The following LRRC4C variants were observed in gnomAD, a reference collection of about 807,000 sequenced individuals.
LRRC4C encodes the protein leucine rich repeat containing 4C.
Under a neutral mutation model 33.6 loss-of-function variants are expected in LRRC4C, and 5 were observed. That is an observed-to-expected ratio of 0.15 (90% CI 0.08 to 0.31). LRRC4C has a LOEUF of 0.31. LRRC4C is among the 10% of genes least tolerant of loss of function. The pLI, the probability that LRRC4C is intolerant of heterozygous loss-of-function variation, is 1.00. For missense variants in LRRC4C, 560 were observed against 796.7 expected, an observed-to-expected ratio of 0.70 and a Z score of 3.58; for synonymous variants, 329 against 302.0, an observed-to-expected ratio of 1.09 and a Z score of -0.93.
At chr11:40,587,631 T>C (rs1288143890) in intron 3 of LRRC4C, among the ~76,000 whole-genome samples, 1 of 150,884 alleles carries the variant, frequency 6.6e-6, no homozygotes, top group Non-Finnish European at 1.5e-5. Flanking sequence ...ATAGCTCTTA[T>C]TATTTTGAAA....
chr11:40,606,672 C>G (rs1960640745), intron 3 of LRRC4C, among the ~76,000 whole-genome samples: 1 of 151,430 alleles, frequency 6.6e-6, no homozygotes, highest in Admixed American at 6.6e-5. Flanking sequence ...CAACAAAGAG[C>G]TAGAAAATAT....
At chr11:41,085,928 CAAAAA>C (rs10717008) in intron 1 of LRRC4C, among the ~76,000 whole-genome samples, 1 of 80,178 alleles carries the variant, frequency 1.2e-5, no homozygotes, top group African/African-American at 4.7e-5. Context: ...TTTAAGACAC[CAAAAA>C]AAAAAAAAAA....
intron 1 of LRRC4C, among the ~76,000 whole-genome samples, chr11:41,448,176 T>C (rs929574723): frequency 6.8e-6 from 1 of 146,986 alleles, no homozygotes; most frequent in African/African-American, 2.5e-5. Flanking sequence ...ACAGTATTTC[T>C]GCTTTAAAAT....
chr11:41,071,566 G>A (rs1380196150), intron 1 of LRRC4C, among the ~76,000 whole-genome samples: 5 of 152,092 alleles, frequency 3.3e-5, no homozygotes, highest in Admixed American at 1.3e-4. Context: ...CACTGTTGAG[G>A]CCTACTGCTC....
At chr11:41,082,242 A>T (rs188301912) in intron 1 of LRRC4C, among the ~76,000 whole-genome samples, 1 of 152,290 alleles carries the variant, frequency 6.6e-6, no homozygotes, top group Admixed American at 6.5e-5. Context: ...CAGAGACACG[A>T]TATACGTGAA....
intron 1 of LRRC4C, among the ~76,000 whole-genome samples, chr11:41,155,145 C>T (rs1264274446): frequency 6.6e-6 from 1 of 152,122 alleles, no homozygotes; most frequent in Admixed American, 6.6e-5. Flanking sequence ...AGCACAAGTC[C>T]TGGAGATTTA....
intron 1 of LRRC4C, among the ~76,000 whole-genome samples, chr11:41,265,093 TAATA>T (rs1320775798): frequency 1.3e-5 from 2 of 152,128 alleles, no homozygotes; most frequent in African/African-American, 4.8e-5. Context: ...TCCATAATTT[TAATA>T]AATAAATGAA....
chr11:41,389,154 C>T (rs1218828202), intron 1 of LRRC4C, among the ~76,000 whole-genome samples: 1 of 151,928 alleles, frequency 6.6e-6, no homozygotes, highest in Non-Finnish European at 1.5e-5. Context: ...TCTACACCCA[C>T]ATACTCTCAT....
chr11:40,996,410 C>T (rs543489239), intron 1 of LRRC4C, among the ~76,000 whole-genome samples: 1 of 152,150 alleles, frequency 6.6e-6, no homozygotes, highest in African/African-American at 2.4e-5. Flanking sequence ...TTTAGAAATA[C>T]TCACTGATGG....
intron 3 of LRRC4C, among the ~76,000 whole-genome samples, chr11:40,490,311 C>T (rs1755214267): frequency 6.6e-6 from 1 of 152,082 alleles, no homozygotes; most frequent in Non-Finnish European, 1.5e-5. Context: ...TGCCTTTTCA[C>T]CACTCTTGCA....
At chr11:41,150,521 G>A (rs943404115) in intron 1 of LRRC4C, among the ~76,000 whole-genome samples, 1 of 152,086 alleles carries the variant, frequency 6.6e-6, no homozygotes, top group African/African-American at 2.4e-5. Context: ...GCCAGGCGCG[G>A]TGGCTCACGC....
At chr11:41,436,622 T>C (rs955034157) in intron 1 of LRRC4C, among the ~76,000 whole-genome samples, 2 of 152,188 alleles carry the variant, frequency 1.3e-5, no homozygotes, top group African/African-American at 4.8e-5. Flanking sequence ...TGTACAGAAA[T>C]CTTACATGTG....
intron 5 of LRRC4C, among the ~76,000 whole-genome samples, chr11:40,186,036 A>G (rs1462391795): frequency 1.3e-5 from 2 of 152,250 alleles, no homozygotes; most frequent in East Asian, 3.9e-4. Context: ...ACTTCCTGCA[A>G]TCTGTATTTT....
chr11:41,269,946 C>T (rs1455133123), intron 1 of LRRC4C, among the ~76,000 whole-genome samples: 1 of 152,042 alleles, frequency 6.6e-6, no homozygotes, highest in African/African-American at 2.4e-5. Context: ...CCTAGTTTTA[C>T]CAGTTACTAA....
intron 1 of LRRC4C, among the ~76,000 whole-genome samples, chr11:40,977,570 CAACTAT>C (rs1852177098): frequency 6.6e-6 from 1 of 151,980 alleles, no homozygotes; most frequent in Non-Finnish European, 1.5e-5. Flanking sequence ...CTATAAGGCT[CAACTAT>C]AGTTGAGATA....
At chr11:41,349,151 G>A (rs1455810777) in intron 1 of LRRC4C, among the ~76,000 whole-genome samples, 1 of 152,120 alleles carries the variant, frequency 6.6e-6, no homozygotes, top group Non-Finnish European at 1.5e-5. Flanking sequence ...TTCTTGTAGT[G>A]TGACCTTGAC....
At chr11:40,855,931 G>A (rs1195589091) in intron 2 of LRRC4C, among the ~76,000 whole-genome samples, 2 of 151,478 alleles carry the variant, frequency 1.3e-5, no homozygotes, top group Non-Finnish European at 2.9e-5. Flanking sequence ...TATATTTTAT[G>A]TTGCTTTTTT....
In LRRC4C at chr11:40,738,493, G is replaced by A. The variant is rs1045497979; in HGVS notation, c.-406-90215C>T. 3.3e-5 allele frequency among the ~76,000 whole-genome samples: 5 copies of A among 152,022 alleles called. No individual in the cohort carries two copies. In the South Asian group the frequency reaches 1.0e-3, roughly 32 times the overall value. The stretch of plus-strand genomic sequence containing the variant: ...CAGAGTATAGATCATTCACTTTATA[G>A]CCAAAGTTTAAATTGAAAAGGTTAA... On this transcript the variant is annotated intron_variant, in intron 2 of 6. Transcript: ENST00000528697.
At chr11:40,497,486 C>A (rs1404613544) in intron 3 of LRRC4C, among the ~76,000 whole-genome samples, 2 of 151,844 alleles carry the variant, frequency 1.3e-5, no homozygotes, top group East Asian at 3.9e-4. Flanking sequence ...CTAATATCTC[C>A]ACTGCATATT....
Sources: allele counts gnomAD v4.1 joint callset (sites outside exome capture counted in the v4.1 genomes callset), GRCh38; gene constraint gnomAD v4.1.1; transcripts MANE v1.5; gene names NCBI Gene and HGNC (gene_info 2026-07-23, HGNC 2026-07-21).